The following ANO5 variants were observed in gnomAD, a reference collection of about 807,000 sequenced individuals.
ANO5 encodes anoctamin-5.
In ANO5, 109 loss-of-function variants were observed where a neutral mutation model predicts 121.0. The observed-to-expected ratio is 0.90, with a 90% CI of 0.77 to 1.06. The LOEUF is 1.06. ANO5 is among the 50% of genes least tolerant of loss of function. The probability of loss-of-function intolerance (pLI) is 0.00; values close to 1 mark genes in which losing one functional copy is unlikely to be tolerated. For missense variants in ANO5, 1,064 were observed against 1,078.5 expected, an observed-to-expected ratio of 0.99 and a Z score of 0.19; for synonymous variants, 406 against 359.9, an observed-to-expected ratio of 1.13 and a Z score of -1.45.
At chr11:22,244,753 T>C (rs1198476873) in intron 9 of ANO5, among the ~76,000 whole-genome samples, 2 of 152,132 alleles carry the variant, frequency 1.3e-5, no homozygotes, top group African/African-American at 4.8e-5. Context: ...TTTCCTAAAA[T>C]GGCTATTTCA....
chr11:22,247,570 T>A (rs1034758014), intron 9 of ANO5, among the ~76,000 whole-genome samples: 6 of 152,080 alleles, frequency 3.9e-5, no homozygotes, highest in African/African-American at 1.4e-4. Flanking sequence ...TTATTGGATA[T>A]GGAGGACAAA....
At chr11:22,251,891 G>A (rs144151868) in intron 12 of ANO5, among the ~76,000 whole-genome samples, 8,566 of 151,704 alleles carry the variant, frequency 0.056, 333 homozygotes, top group Non-Finnish European at 0.09. Flanking sequence ...TTAGCCAGGC[G>A]TGGTGGCAGG....
Position 22,259,628 on chromosome 11 carries a change from G to A in ANO5, c.1517G>A (p.Ser506Asn). ...GATGCATCCTTAAAGCAGGTCAAAA[G>A]CTTCCTTACTCCTCAGATAACCACA... Reference protein sequence around the residue: ...ESDASLKQVKSFLTPQITTSL... With the variant: ...ESDASLKQVKNFLTPQITTSL... Residue 506 changes from serine to asparagine, a missense_variant, in exon 15 of 22, where the codon AGC becomes AAC. By Grantham distance (46) the Ser-to-Asn change is conservative. Transcript: ENST00000324559. 6.2e-7 allele frequency: 1 copy of A among 1,614,070 alleles called. No individual in the cohort carries two copies. Among genetic ancestry groups the A allele is most frequent in the Non-Finnish European group, 8.5e-7 (1 of 1,179,980 alleles).
At chr11:22,222,320 A>G (rs1287665792) in intron 5 of ANO5, among the ~76,000 whole-genome samples, 1 of 151,840 alleles carries the variant, frequency 6.6e-6, no homozygotes, top group African/African-American at 2.4e-5. Flanking sequence ...CAATCTTTTA[A>G]AATCATTGAT....
At chr11:22,207,746 A>G (rs1175264297) in intron 2 of ANO5, among the ~76,000 whole-genome samples, 1 of 152,112 alleles carries the variant, frequency 6.6e-6, no homozygotes, top group Non-Finnish European at 1.5e-5. Flanking sequence ...CAGACAGGCT[A>G]CAGACTGGGA....
At chr11:22,241,139 T>C (rs1590268652) in intron 9 of ANO5, among the ~76,000 whole-genome samples, 1 of 151,718 alleles carries the variant, frequency 6.6e-6, no homozygotes, top group South Asian at 2.1e-4. Context: ...GTAGTGAGCA[T>C]AGTAACAAAT....
Position 22,193,212 on chromosome 11 carries a change from A to C in ANO5, c.-281A>C. On this transcript the variant is annotated 5_prime_UTR_variant, in exon 1 of 22. Transcript: ENST00000324559. ...GAGCGCTACCGGCTGAGGGTGGGGAAGCGCAGGGCCAAGCGCGCGAAGCAG... is the reference window on the plus strand; with the variant it reads ...GAGCGCTACCGGCTGAGGGTGGGGACGCGCAGGGCCAAGCGCGCGAAGCAG... The C allele has an allele frequency of 1.5e-6, 2 of 1,309,466 alleles. No individual in the cohort carries two copies. The highest frequency in any genetic ancestry group is 9.8e-7 in the Non-Finnish European group (1 of 1,019,370). The allele number at this position is 1,309,466 out of a possible 1,614,324, so 81.1% of individuals were successfully genotyped here.
intron 4 of ANO5, among the ~76,000 whole-genome samples, chr11:22,220,018 T>G (rs1438829569): frequency 1.3e-5 from 2 of 151,838 alleles, no homozygotes; most frequent in East Asian, 3.9e-4. Context: ...ACTTTGTTCA[T>G]AGACCACAGA....
intron 20 of ANO5, among the ~76,000 whole-genome samples, chr11:22,275,810 C>T (rs899013249): frequency 1.3e-5 from 2 of 151,742 alleles, no homozygotes; most frequent in Non-Finnish European, 3.0e-5. Flanking sequence ...GAAGTGGAAG[C>T]AGCAAATTTT....
At chr11:22,255,158 C>T (rs927531741) in intron 12 of ANO5, among the ~76,000 whole-genome samples, 2 of 151,780 alleles carry the variant, frequency 1.3e-5, no homozygotes, top group African/African-American at 4.8e-5. Context: ...GACCAAGAAA[C>T]TAAATTTTTG....
At chr11:22,255,895 AG>A (rs1853986642) in intron 13 of ANO5, among the ~76,000 whole-genome samples, 1 of 152,212 alleles carries the variant, frequency 6.6e-6, no homozygotes. Flanking sequence ...AAGTGCAAAA[AG>A]GAAAATAATG....
In ANO5 at chr11:22,279,923, C is replaced by A; in HGVS notation, c.*158C>A. 1.5e-6 allele frequency: 1 copy of A among 649,050 alleles called. No individual in the cohort carries two copies. The highest frequency in any genetic ancestry group is 2.6e-6 in the Non-Finnish European group (1 of 385,610). 40.2% of individuals were successfully genotyped at this position (649,050 alleles called of 1,614,324 possible). A position where few individuals can be genotyped will look rare whatever the true frequency, so the allele number is the denominator to read the frequency against. On this transcript the variant is annotated 3_prime_UTR_variant, in exon 22 of 22. Transcript: ENST00000324559. ...AAGTTTTTATACACTTTTATAGAGGCCAACTTTGTGATGTTGGAAATGTAC... is the reference window on the plus strand; with the variant it reads ...AAGTTTTTATACACTTTTATAGAGGACAACTTTGTGATGTTGGAAATGTAC...
rs749915913 is a variant in ANO5, at chr11:22,236,185, G to C, written c.671G>C (p.Cys224Ser). 17 of 1,612,586 alleles carry C rather than the reference G, an allele frequency of 1.1e-5. No individual in the cohort carries two copies. The Admixed American group carries it at 2.8e-4, about 27-fold the overall frequency. The change falls in exon 8 of 22, where the codon TGT (cysteine) becomes TCT (serine). Residue 224 changes from cysteine (C) to serine (S), a missense_variant. Transcript: ENST00000324559. ...TAGGTGTACTATATTCTCTCAAGAT[G>C]TCCTTTTGGCATAGAAGATGGGAAG... ...NRIVYYILSR[C>S]PFGIEDGKKR...
chr11:22,275,985 G>C, intron 20 of ANO5, 109 bp from the exon 21 acceptor site: 1 of 746,986 alleles, frequency 1.3e-6, no homozygotes, highest in Non-Finnish European at 2.3e-6. Flanking sequence ...TGATTTTTCT[G>C]ATCAACTAGA....
intron 2 of ANO5, among the ~76,000 whole-genome samples, chr11:22,206,987 G>A (rs111874226): frequency 5.9e-5 from 9 of 151,880 alleles, no homozygotes; most frequent in Non-Finnish European, 1.2e-4. Context: ...GTGACATGAC[G>A]ATGTACATAG....
At chr11:22,276,400 T>A (rs1312297150) in intron 21 of ANO5, among the ~76,000 whole-genome samples, 8 of 151,794 alleles carry the variant, frequency 5.3e-5, no homozygotes, top group Non-Finnish European at 1.0e-4. Context: ...TTGTTGAACA[T>A]GTCATGGTGA....
Position 22,272,971 on chromosome 11 carries a change from C to A in ANO5, c.2217C>A (p.Val739=), listed in dbSNP as rs1564951457. ...VWQDILYGMA[V]LSVATNAFIV... Reference sequence around the variant, plus strand: ...AAGACATTCTTTATGGAATGGCTGTCCTTTCTGTTGCAACTAATGTAAGTG... The same window carrying A: ...AAGACATTCTTTATGGAATGGCTGTACTTTCTGTTGCAACTAATGTAAGTG... The change falls in exon 19 of 22, where the codon GTC becomes GTA. Residue 739 remains valine, a synonymous_variant. Transcript: ENST00000324559. 1 of 1,613,776 alleles carries A rather than the reference C, an allele frequency of 6.2e-7. No homozygotes were observed. Among genetic ancestry groups the A allele is most frequent in the East Asian group, 2.2e-5 (1 of 44,860 alleles).
At chr11:22,248,969 C>T (rs1388595778) in intron 9 of ANO5, among the ~76,000 whole-genome samples, 4 of 151,966 alleles carry the variant, frequency 2.6e-5, no homozygotes, top group African/African-American at 9.6e-5. Context: ...ACAATAATTT[C>T]TACATTTTTC....
chr11:22,268,969 A>G (rs1384117601), intron 17 of ANO5, among the ~76,000 whole-genome samples: 1 of 152,036 alleles, frequency 6.6e-6, no homozygotes, highest in Non-Finnish European at 1.5e-5. Flanking sequence ...ACACCACTGC[A>G]CTCCAGCCTG....
Sources: allele counts gnomAD v4.1 joint callset (sites outside exome capture counted in the v4.1 genomes callset), GRCh38; gene constraint gnomAD v4.1.1; transcripts MANE v1.5; gene names NCBI Gene and HGNC (gene_info 2026-07-23, HGNC 2026-07-21).